UBE2W: variants seen among roughly 807,000 people sequenced by gnomAD.
The protein encoded by UBE2W is ubiquitin conjugating enzyme E2 W.
A neutral mutation model predicts 27.2 loss-of-function variants in UBE2W; 18 were observed. The observed-to-expected ratio is 0.66, with a 90% confidence interval of 0.46 to 0.98. UBE2W has a LOEUF of 0.98. Among genes scored for constraint, UBE2W ranks in the 50% least tolerant of loss-of-function variants. UBE2W has a pLI of 0.00. For synonymous variants in UBE2W, 53 were observed against 57.2 expected (o/e 0.93, Z 0.33); for missense variants, 90 against 180.2 (o/e 0.50, Z 2.87).
chr8:73,797,235 A>G (rs1228316916), intron 5 of UBE2W, among the ~76,000 whole-genome samples: 1 of 152,220 alleles, frequency 6.6e-6, no homozygotes, highest in African/African-American at 2.4e-5. Context: ...ACTATCATAT[A>G]GTTTTCCAAC....
At chr8:73,835,604 C>T (rs923233554) in intron 1 of UBE2W, among the ~76,000 whole-genome samples, 2 of 151,890 alleles carry the variant, frequency 1.3e-5, no homozygotes, top group Non-Finnish European at 2.9e-5. Context: ...ATCAGCTGGG[C>T]GTGGTGGCAT....
intron 1 of UBE2W, among the ~76,000 whole-genome samples, chr8:73,870,789 T>A (rs1811973845): frequency 6.9e-6 from 1 of 144,476 alleles, no homozygotes. Flanking sequence ...AAGGGCTCTC[T>A]TAAAAAAAAA....
At chr8:73,784,975 CCT>C (rs1250762577), downstream of UBE2W, among the ~76,000 whole-genome samples, 1 of 152,072 alleles carries the variant, frequency 6.6e-6, no homozygotes, top group Non-Finnish European at 1.5e-5. Context: ...TCAATCTTAC[CCT>C]GACTCACAAG....
chr8:73,786,254 T>C lies in UBE2W; in HGVS notation c.*7848A>G, dbSNP rs1217867773. 1.0e-6 allele frequency: 1 copy of C among 985,346 alleles called. No individual in the cohort carries two copies. The highest frequency in any genetic ancestry group is 6.1e-5 in the Admixed American group (1 of 16,272). The allele number at this position is 985,346 out of a possible 1,614,324, so 61.0% of individuals were successfully genotyped here. On this transcript the variant is annotated 3_prime_UTR_variant, in exon 6 of 6. Transcript: ENST00000602593. ...TTAATGATTTATTTAAAAGTAGTTT[T>C]CTCAAACTCTCTGGGATAGAAAGAG... is the stretch of plus-strand genomic sequence containing the variant.
At chr8:73,850,371 C>A (rs1811021064) in intron 1 of UBE2W, among the ~76,000 whole-genome samples, 1 of 152,150 alleles carries the variant, frequency 6.6e-6, no homozygotes, top group Non-Finnish European at 1.5e-5. Context: ...CATAACCTAG[C>A]ACTTGCATTT....
rs569237925 is a variant in UBE2W, at chr8:73,791,376, AAAATAAAT to A, written c.*2718_*2725del. The A allele has an allele frequency of 1.0e-6, 1 of 983,742 alleles. No individual in the cohort carries two copies. The highest frequency in any genetic ancestry group is 1.2e-6 in the Non-Finnish European group (1 of 828,662). 60.9% of individuals were successfully genotyped at this position (983,742 alleles called of 1,614,324 possible). On this transcript the variant is annotated 3_prime_UTR_variant, in exon 6 of 6. Transcript: ENST00000602593. ...TTTGGCAAACCAGAAGAATGGCCTA[AAAATAAAT>A]AAATAAATAAATAAAAGAAGAAGAG...
rs1043622959 is a variant in UBE2W, at chr8:73,857,792, G to C, written c.15+21016C>G. On this transcript the variant is annotated intron_variant, in intron 1 of 5. Transcript: ENST00000602593. ...AATCGCGCCACTGCACTCCAGCCTG[G>C]GTGACAGAGTGAGACTCCCCGTCTT... Among the ~76,000 whole-genome samples the C allele has an allele frequency of 2.0e-5, 3 of 151,910 alleles. 1 individual carries two copies. In the South Asian group the frequency reaches 6.2e-4, roughly 32 times the overall value.
rs147117824 is a variant in UBE2W, at chr8:73,806,801, T to C, written c.367-1075A>G. Among the ~76,000 whole-genome samples, 749 of 152,296 alleles carry C rather than the reference T, an allele frequency of 4.9e-3. 8 individuals carry two copies. The highest frequency in any genetic ancestry group is 2.5e-3 in the Non-Finnish European group (173 of 68,028). ...CCACAAAGAACTGTTTTTACTGTAA[T>C]AGAATACCATCAAAGATAGACCAGA... On this transcript the variant is annotated intron_variant, in intron 4 of 5. Transcript: ENST00000602593.
rs759063478 is a variant in UBE2W at position 73,842,528 on chromosome 8, C to CAAAAAAAAAAAA, written c.16-12068_16-12057dup. On this transcript the variant is annotated intron_variant, in intron 1 of 5. Transcript: ENST00000602593. ...TGGGCGACAGAGGGAGACTCCGTCTCAAAAAAAAAAAAAAAAAAAAAAAAA... is the reference window on the plus strand; with the variant it reads ...TGGGCGACAGAGGGAGACTCCGTCTCAAAAAAAAAAAAAAAAAAAAAAAAAAAAAAAAAAAAA... Among the ~76,000 whole-genome samples the CAAAAAAAAAAAA allele has an allele frequency of 8.3e-4, 8 of 9,676 alleles. 3 individuals are homozygous for CAAAAAAAAAAAA. Among genetic ancestry groups the CAAAAAAAAAAAA allele is most frequent in the African/African-American group, 1.7e-3 (6 of 3,562 alleles). The allele number at this position is 9,676 out of a possible 152,430, so 6.3% of individuals were successfully genotyped here.
chr8:73,870,256 AACAC>A (rs1257563038), intron 1 of UBE2W: 1 of 1,584,806 alleles, frequency 6.3e-7, no homozygotes, highest in Non-Finnish European at 8.6e-7. Context: ...TTGGCAAAAA[AACAC>A]ACACTTACTG....
At chr8:73,802,006 G>A (rs1207139279) in intron 5 of UBE2W, among the ~76,000 whole-genome samples, 2 of 152,204 alleles carry the variant, frequency 1.3e-5, no homozygotes, top group East Asian at 1.9e-4. Context: ...AATAGCACAT[G>A]TAGAGGTAAC....
chr8:73,780,817 C>T (rs1807828285), intron 4 of UBE2W, among the ~76,000 whole-genome samples: 1 of 152,006 alleles, frequency 6.6e-6, no homozygotes, highest in Non-Finnish European at 1.5e-5. Context: ...AGCCACGACG[C>T]CTGACCTGGA....
rs1048734023 is a variant in UBE2W, at chr8:73,790,671, CTTCT to C, written c.*3427_*3430del. 25 of 982,462 alleles carry C rather than the reference CTTCT, an allele frequency of 2.5e-5. No homozygotes were observed. In the African/African-American group the frequency reaches 4.4e-4, roughly 17 times the overall value. 60.9% of individuals were successfully genotyped at this position (982,462 alleles called of 1,614,324 possible). On this transcript the variant is annotated 3_prime_UTR_variant, in exon 6 of 6. Coordinates refer to ENST00000602593, the MANE Select transcript of UBE2W (RefSeq NM_018299.6). ...TGTAACACACAGTACCTCCTCTTCT[CTTCT>C]ATTTTTAGGAAGAAGTTATAACAAG... is the stretch of plus-strand genomic sequence containing the variant.
intron 1 of UBE2W, among the ~76,000 whole-genome samples, chr8:73,832,339 A>C (rs1363927096): frequency 6.6e-6 from 1 of 152,072 alleles, no homozygotes; most frequent in Non-Finnish European, 1.5e-5. Context: ...TAACAAAAAG[A>C]AGCAAATAAA....
intron 1 of UBE2W, among the ~76,000 whole-genome samples, chr8:73,845,273 G>A (rs1446490548): frequency 6.6e-6 from 1 of 152,236 alleles, no homozygotes; most frequent in African/African-American, 2.4e-5. Context: ...AACAGAAAAG[G>A]AGGAAATGTG....
chr8:73,865,180 C>T (rs1218618571), intron 1 of UBE2W, among the ~76,000 whole-genome samples: 1 of 32,856 alleles, frequency 3.0e-5, no homozygotes, highest in Non-Finnish European at 6.4e-5. Flanking sequence ...GTGCAAACGT[C>T]AAAAAAAAAA....
chr8:73,841,678 G>A (rs1810541553), intron 1 of UBE2W, among the ~76,000 whole-genome samples: 1 of 152,140 alleles, frequency 6.6e-6, no homozygotes, highest in Non-Finnish European at 1.5e-5. Flanking sequence ...CCAGCACAAT[G>A]GCAGAGTATA....
intron 1 of UBE2W, among the ~76,000 whole-genome samples, chr8:73,857,615 A>C (rs532855522): frequency 6.6e-6 from 1 of 152,174 alleles, no homozygotes; most frequent in Admixed American, 6.5e-5. Flanking sequence ...CAGGAGTTCG[A>C]GACCAGCCTG....
In UBE2W at chr8:73,849,512, C is replaced by CAAAAA. The variant is rs71269951; in HGVS notation, c.16-19045_16-19041dup. Among the ~76,000 whole-genome samples the CAAAAA allele has an allele frequency of 1.9e-3, 43 of 22,774 alleles. 1 individual carries two copies. The highest frequency in any genetic ancestry group is 5.9e-3 in the African/African-American group (39 of 6,656). 14.9% of individuals were successfully genotyped at this position (22,774 alleles called of 152,430 possible). A position where few individuals can be genotyped will look rare whatever the true frequency, so the allele number is the denominator to read the frequency against. ...GGGCAACAAGAGTGAAACTCCATCT[C>CAAAAA]AAAAAAAAAAAAAAAAAAAAAAAAA... On this transcript the variant is annotated intron_variant, in intron 1 of 5. Coordinates refer to ENST00000602593, the MANE Select transcript of UBE2W (RefSeq NM_018299.6).
Sources: allele counts gnomAD v4.1 joint callset (sites outside exome capture counted in the v4.1 genomes callset), GRCh38; gene constraint gnomAD v4.1.1; transcripts MANE v1.5; gene names NCBI Gene and HGNC (gene_info 2026-07-23, HGNC 2026-07-21).